The following GLI2 variants were observed in gnomAD, a reference collection of about 807,000 sequenced individuals.
GLI2 encodes the protein transcription activator GLI2.
In GLI2, 22 loss-of-function variants were observed where a neutral mutation model predicts 78.9. That is an observed-to-expected ratio of 0.28 (90% CI 0.20 to 0.40). GLI2 has a LOEUF of 0.40. Among genes scored for constraint, GLI2 ranks in the 10% least tolerant of loss-of-function variants. The pLI, the probability that GLI2 is intolerant of heterozygous loss-of-function variation, is 1.00. For missense variants in GLI2, 2,097 were observed against 2,213.2 expected (o/e 0.95, Z 1.05); for synonymous variants, 974 against 963.7 (o/e 1.01, Z -0.20).
intron 2 of GLI2, among the ~76,000 whole-genome samples, chr2:120,889,079 C>T (rs781236836): frequency 1.3e-5 from 2 of 152,130 alleles, no homozygotes; most frequent in Non-Finnish European, 2.9e-5. Flanking sequence ...TGCAGGACCG[C>T]GGAGAAACAG....
chr2:120,805,365 C>T (rs1684902073), intron 2 of GLI2, among the ~76,000 whole-genome samples: 1 of 152,258 alleles, frequency 6.6e-6, no homozygotes, highest in Admixed American at 6.5e-5. Context: ...GTGAACCCTA[C>T]CTGCCTGGAA....
chr2:120,909,689 C>A (rs988635158), intron 2 of GLI2, among the ~76,000 whole-genome samples: 2 of 152,070 alleles, frequency 1.3e-5, no homozygotes, highest in African/African-American at 4.8e-5. Flanking sequence ...CACGGTGAAA[C>A]CCTGTCTCTA....
intron 2 of GLI2, among the ~76,000 whole-genome samples, chr2:120,816,450 C>T (rs1573421496): frequency 6.6e-6 from 1 of 152,190 alleles, no homozygotes; most frequent in Non-Finnish European, 1.5e-5. Flanking sequence ...CCATCTAGGC[C>T]TCCCAAAGTG....
At chr2:120,889,016 G>A (rs552413764) in intron 2 of GLI2, among the ~76,000 whole-genome samples, 4 of 152,314 alleles carry the variant, frequency 2.6e-5, no homozygotes, top group South Asian at 2.1e-4. Context: ...CTAGACGGCC[G>A]TGAGGACTCT....
At chr2:120,972,221 C>T (rs2105026575) in intron 8 of GLI2, among the ~76,000 whole-genome samples, 158 bp downstream of exon 8, 1 of 152,370 alleles carries the variant, frequency 6.6e-6, no homozygotes, top group Middle Eastern at 3.4e-3. Flanking sequence ...TGAGCTGTGA[C>T]TTTCTCACCA....
Position 120,751,435 on chromosome 2 carries a change from G to A in GLI2, c.-31+15150G>A, listed in dbSNP as rs142507001. 5.0e-3 allele frequency among the ~76,000 whole-genome samples: 756 copies of A among 151,796 alleles called. 10 individuals are homozygous for A. Among genetic ancestry groups the A allele is most frequent in the South Asian group, 6.9e-3 (33 of 4,808 alleles). ...TAATACTTTTTGATAAGCATTTGTC[G>A]TAGCCCTGACAAAATGATTACTCTA... On this transcript the variant is annotated intron_variant, in intron 1 of 13. Coordinates refer to ENST00000361492, the MANE Select transcript of GLI2 (RefSeq NM_001374353.1).
At chr2:120,846,990 G>A (rs1403254642) in intron 2 of GLI2, among the ~76,000 whole-genome samples, 2 of 152,016 alleles carry the variant, frequency 1.3e-5, no homozygotes, top group East Asian at 3.9e-4. Context: ...TTGGCCTGTG[G>A]CAAGAGCTCA....
chr2:120,793,524 C>T lies in GLI2; in HGVS notation c.-30-3767C>T, dbSNP rs990197748. Among the ~76,000 whole-genome samples the T allele has an allele frequency of 2.6e-5, 4 of 152,288 alleles. No individual in the cohort carries two copies. In the South Asian group the frequency reaches 8.3e-4, roughly 32 times the overall value. On this transcript the variant is annotated intron_variant, in intron 1 of 13. Transcript: ENST00000361492. Reference sequence around the variant, plus strand: ...GGAGTGAAAGTGGCTGCCTGGGACCCTGGGCGCCTGGTGTTTACCTAGAAA... The same window carrying T: ...GGAGTGAAAGTGGCTGCCTGGGACCTTGGGCGCCTGGTGTTTACCTAGAAA...
chr2:120,783,536 G>A (rs921871599), intron 1 of GLI2, among the ~76,000 whole-genome samples: 29 of 152,072 alleles, frequency 1.9e-4, no homozygotes, highest in Non-Finnish European at 3.4e-4. Context: ...CTTGGAGAGA[G>A]TCATCGAAAG....
chr2:120,926,549 T>C (rs912135522), intron 2 of GLI2, among the ~76,000 whole-genome samples: 3 of 152,214 alleles, frequency 2.0e-5, no homozygotes, highest in South Asian at 4.1e-4. Context: ...CTTTTCCCAG[T>C]ATAACTACTT....
intron 1 of GLI2, among the ~76,000 whole-genome samples, chr2:120,741,004 G>A (rs1376243648): frequency 6.6e-6 from 1 of 152,212 alleles, no homozygotes; most frequent in Admixed American, 6.5e-5. Context: ...TGGCTGTGCC[G>A]GTTGAGCCTG....
At position 120,901,922 on chromosome 2, in the gene GLI2, T is replaced by A. The variant is rs541376359; in HGVS notation, c.149-25439T>A. On this transcript the variant is annotated intron_variant, in intron 2 of 13. Transcript: ENST00000361492. Reference sequence around the variant, plus strand: ...CATTTTTAAACATATACTTGTAATTTTTTAGGTAGAAAATCGTATTAATTT... The same window carrying A: ...CATTTTTAAACATATACTTGTAATTATTTAGGTAGAAAATCGTATTAATTT... 1.8e-4 allele frequency among the ~76,000 whole-genome samples: 28 copies of A among 152,308 alleles called. No homozygotes were observed. The Middle Eastern group carries it at 0.02, about 111-fold the overall frequency.
chr2:120,893,193 T>C (rs941661314), intron 2 of GLI2, among the ~76,000 whole-genome samples: 2 of 152,262 alleles, frequency 1.3e-5, no homozygotes, highest in Non-Finnish European at 2.9e-5. Flanking sequence ...CTGGGGCTTC[T>C]ATTTCTTGTT....
At chr2:120,889,851 C>T (rs1392673400) in intron 2 of GLI2, among the ~76,000 whole-genome samples, 1 of 152,152 alleles carries the variant, frequency 6.6e-6, no homozygotes, top group Non-Finnish European at 1.5e-5. Flanking sequence ...GGAGCACTCA[C>T]ACATAGCTGG....
intron 2 of GLI2, among the ~76,000 whole-genome samples, chr2:120,915,280 G>T (rs1336761733): frequency 2.6e-5 from 4 of 152,252 alleles, no homozygotes; most frequent in Admixed American, 1.3e-4. Flanking sequence ...TGTCTGCAGG[G>T]CAGGCCTGAT....
At position 120,970,536 on chromosome 2, in the gene GLI2, C is replaced by A. The variant is rs746753743; in HGVS notation, c.989C>A (p.Ala330Asp). 2 of 1,614,140 alleles carry A rather than the reference C, an allele frequency of 1.2e-6. No homozygotes were observed. The highest frequency in any genetic ancestry group is 1.7e-6 in the Non-Finnish European group (2 of 1,179,996). ...SPTFLAQQPM[A>D]LTSINATPTQ... ...ACCTTCCTGGCCCAGCAGCCCATGG[C>A]CCTCACCTCCATCAATGCCACGCCC... Residue 330 changes from alanine (A) to aspartate (D), a missense_variant, in exon 7 of 14, where the codon GCC becomes GAC. Transcript: ENST00000361492.
chr2:120,939,597 C>T (rs6541750), intron 3 of GLI2, among the ~76,000 whole-genome samples: 128,413 of 152,044 alleles, frequency 0.84, 57,944 homozygotes, highest in East Asian at 1. Context: ...TTTCATACTC[C>T]ACGTTCTTCC....
intron 2 of GLI2, among the ~76,000 whole-genome samples, chr2:120,903,761 G>A (rs557764598): frequency 6.6e-6 from 1 of 152,322 alleles, no homozygotes; most frequent in East Asian, 1.9e-4. Flanking sequence ...GTGACAAGCA[G>A]CCTTCCCAAA....
chr2:120,824,427 C>T (rs1418882535), intron 2 of GLI2, among the ~76,000 whole-genome samples: 2 of 152,214 alleles, frequency 1.3e-5, no homozygotes, highest in Non-Finnish European at 2.9e-5. Flanking sequence ...GATTGTCCCT[C>T]GCCACCCCGG....
Sources: allele counts gnomAD v4.1 joint callset (sites outside exome capture counted in the v4.1 genomes callset), GRCh38; gene constraint gnomAD v4.1.1; transcripts MANE v1.5; gene names NCBI Gene and HGNC (gene_info 2026-07-23, HGNC 2026-07-21).